The following FNDC3B variants were observed in gnomAD, a reference collection of about 807,000 sequenced individuals.
FNDC3B encodes the protein fibronectin type III domain-containing protein 3B.
FNDC3B carries 12 observed loss-of-function variants against 151.5 expected under a neutral mutation model. The ratio of observed to expected loss-of-function variants is 0.08; its 90% CI spans 0.05 to 0.13. FNDC3B has a LOEUF of 0.13. FNDC3B is among the 10% of genes least tolerant of loss of function. The probability of loss-of-function intolerance (pLI) is 1.00; values close to 1 mark genes in which losing one functional copy is unlikely to be tolerated. For missense variants in FNDC3B, 1,214 were observed against 1,505.3 expected (o/e 0.81, Z 3.20); for synonymous variants, 528 against 549.0 (o/e 0.96, Z 0.54).
chr3:172,146,059 C>T (rs893948511), intron 3 of FNDC3B, among the ~76,000 whole-genome samples: 2 of 152,010 alleles, frequency 1.3e-5, no homozygotes, highest in Non-Finnish European at 2.9e-5. Flanking sequence ...GTGATTTGCC[C>T]GCCTCGGCCT....
rs757893983 is a variant in FNDC3B, at chr3:172,226,941, C to G, written c.258C>G (p.Ile86Met). The G allele has an allele frequency of 6.2e-7, 1 of 1,601,092 alleles. No individual in the cohort carries two copies. The highest frequency in any genetic ancestry group is 8.6e-7 in the Non-Finnish European group (1 of 1,168,178). ...CCATTCATGTGCCTCCAGGTTATAT[C>G]TCACAGGTAATCCATTTGATGGACT... ...IPPIHVPPGY[I>M]SQVIEDSTGV... Residue 86 changes from isoleucine to methionine, a missense_variant, in exon 4 of 26, where the codon ATC becomes ATG. Ile to Met is a conservative substitution (Grantham distance 10). Around this residue, in one of 7 missense-constraint regions of FNDC3B, gnomAD observed 113 missense variants for 177.8 expected, o/e 0.64. Transcript: ENST00000415807.
chr3:172,173,840 G>A lies in FNDC3B; in HGVS notation c.187+40294G>A, dbSNP rs571913868. ...GTCTGGGGGAGGGGTGGGGCGCGGG[G>A]TGGGAAGCCTCCCGATGTCCTAGGA... On this transcript the variant is annotated intron_variant, in intron 3 of 25. Coordinates refer to ENST00000415807, the MANE Select transcript of FNDC3B (RefSeq NM_022763.4). Among the ~76,000 whole-genome samples the A allele has an allele frequency of 2.0e-5, 3 of 151,124 alleles. No homozygotes were observed. The East Asian group carries it at 5.9e-4, about 29-fold the overall frequency.
chr3:172,304,934 T>C (rs1439433949), intron 9 of FNDC3B, among the ~76,000 whole-genome samples: 1 of 151,744 alleles, frequency 6.6e-6, no homozygotes, highest in South Asian at 2.1e-4. Flanking sequence ...GCTAAAACCT[T>C]GAGTTTTTAA....
intron 3 of FNDC3B, among the ~76,000 whole-genome samples, chr3:172,147,777 G>T (rs146301975): frequency 5.3e-5 from 8 of 149,698 alleles, no homozygotes; most frequent in African/African-American, 2.0e-4. Context: ...GGTGGAGATC[G>T]TCGGGGTTGG....
At chr3:172,322,054 A>G (rs1177726141) in intron 11 of FNDC3B, among the ~76,000 whole-genome samples, 8 of 152,246 alleles carry the variant, frequency 5.3e-5, no homozygotes, top group Non-Finnish European at 1.2e-4. Flanking sequence ...AATATTGCAT[A>G]ACAAATTACC....
intron 2 of FNDC3B, among the ~76,000 whole-genome samples, chr3:172,114,496 A>G (rs890390963): frequency 6.6e-6 from 1 of 152,086 alleles, no homozygotes; most frequent in Admixed American, 6.5e-5. Flanking sequence ...CATGTCTGTA[A>G]TTCAGCTTGC....
intron 3 of FNDC3B, among the ~76,000 whole-genome samples, chr3:172,218,851 A>T (rs1726129379): frequency 6.6e-6 from 1 of 152,206 alleles, no homozygotes; most frequent in Non-Finnish European, 1.5e-5. Flanking sequence ...TGGAGAGACC[A>T]GTATGCCTTC....
intron 3 of FNDC3B, among the ~76,000 whole-genome samples, chr3:172,199,891 A>G (rs1193226390): frequency 6.6e-6 from 1 of 152,226 alleles, no homozygotes; most frequent in Non-Finnish European, 1.5e-5. Context: ...TCCTGCCACC[A>G]CACAGTTTAC....
intron 3 of FNDC3B, among the ~76,000 whole-genome samples, chr3:172,140,675 G>T (rs555111285): frequency 1.4e-4 from 21 of 152,232 alleles, no homozygotes; most frequent in South Asian, 2.1e-4. Context: ...CAAAGGCTGT[G>T]ATTGTACGTG....
At chr3:172,129,156 G>A (rs1720947577) in intron 2 of FNDC3B, among the ~76,000 whole-genome samples, 2 of 152,122 alleles carry the variant, frequency 1.3e-5, no homozygotes, top group Non-Finnish European at 1.5e-5. Flanking sequence ...TATTTTTGTA[G>A]ATATGGAGTC....
At chr3:172,216,033 G>A (rs1725960643) in intron 3 of FNDC3B, among the ~76,000 whole-genome samples, 1 of 151,030 alleles carries the variant, frequency 6.6e-6, no homozygotes, top group Non-Finnish European at 1.5e-5. Context: ...TCCTCTTCAC[G>A]CTGTGTGAGA....
chr3:172,240,868 C>G (rs1727457762), intron 4 of FNDC3B, among the ~76,000 whole-genome samples: 1 of 152,140 alleles, frequency 6.6e-6, no homozygotes, highest in Admixed American at 6.5e-5. Flanking sequence ...TTCTCTTGGT[C>G]ATATTTATAA....
chr3:172,372,785 A>G (rs764490245), intron 23 of FNDC3B, among the ~76,000 whole-genome samples: 19 of 152,176 alleles, frequency 1.2e-4, no homozygotes, highest in Non-Finnish European at 1.6e-4. Context: ...GTTTGGGGCC[A>G]TTGGATAATG....
intron 1 of FNDC3B, among the ~76,000 whole-genome samples, chr3:172,101,643 A>G (rs1719385187): frequency 1.3e-5 from 2 of 152,330 alleles, no homozygotes; most frequent in South Asian, 4.1e-4. Flanking sequence ...TAGAATCTTG[A>G]AACCCTTTGT....
intron 20 of FNDC3B, 112 bp from the exon 21 acceptor site, chr3:172,347,100 G>T: frequency 1.1e-6 from 1 of 907,218 alleles, no homozygotes; most frequent in Non-Finnish European, 1.7e-6. Context: ...ATATGTATTT[G>T]AAATATTCTG....
intron 25 of FNDC3B, among the ~76,000 whole-genome samples, chr3:172,388,833 GC>G (rs1560112161): frequency 6.6e-6 from 1 of 152,134 alleles, no homozygotes; most frequent in East Asian, 1.9e-4. Flanking sequence ...TTTCTGCAAG[GC>G]GGGGCAGGGA....
chr3:172,154,770 A>G (rs773513098), intron 3 of FNDC3B, among the ~76,000 whole-genome samples: 2 of 152,140 alleles, frequency 1.3e-5, no homozygotes, highest in Non-Finnish European at 2.9e-5. Context: ...TCACGGTGTT[A>G]GGTCATTATG....
chr3:172,127,545 C>G (rs1264479836), intron 2 of FNDC3B, among the ~76,000 whole-genome samples: 1 of 116,574 alleles, frequency 8.6e-6, no homozygotes, highest in African/African-American at 3.4e-5. Context: ...GTAGCTGTTT[C>G]TTAATCATTG....
chr3:172,106,725 GT>G (rs981974242), intron 1 of FNDC3B, among the ~76,000 whole-genome samples: 1 of 152,180 alleles, frequency 6.6e-6, no homozygotes, highest in Non-Finnish European at 1.5e-5. Context: ...CCCTTTGCAG[GT>G]GGGGGCTGCA....
Sources: allele counts gnomAD v4.1 joint callset (sites outside exome capture counted in the v4.1 genomes callset), GRCh38; gene constraint gnomAD v4.1.1; regional missense constraint gnomAD v4.1.1; transcripts MANE v1.5; gene names NCBI Gene and HGNC (gene_info 2026-07-23, HGNC 2026-07-21).